Variants in PTPRG observed in about 807,000 individuals in gnomAD.
PTPRG encodes the protein receptor-type tyrosine-protein phosphatase gamma.
In PTPRG, 102 loss-of-function variants were observed where a neutral mutation model predicts 165.3. That is an observed-to-expected ratio of 0.62 (90% CI 0.53 to 0.73). PTPRG has a LOEUF of 0.73. Among genes scored for constraint, PTPRG ranks in the 30% least tolerant of loss-of-function variants. The probability of loss-of-function intolerance (pLI) is 0.00; values close to 1 mark genes in which losing one functional copy is unlikely to be tolerated. For missense variants in PTPRG, 1,866 were observed against 1,861.4 expected (o/e 1.00, Z -0.05); for synonymous variants, 675 against 669.5 (o/e 1.01, Z -0.13).
intron 5 of PTPRG, among the ~76,000 whole-genome samples, chr3:62,127,580 C>CCTT (rs1440724498): frequency 6.6e-6 from 1 of 152,162 alleles, no homozygotes; most frequent in African/African-American, 2.4e-5. Flanking sequence ...ATGCATAAAT[C>CCTT]CTTTTTTCCC....
chr3:62,121,974 C>G (rs1230095706), intron 5 of PTPRG, among the ~76,000 whole-genome samples: 3 of 152,198 alleles, frequency 2.0e-5, no homozygotes, highest in African/African-American at 7.2e-5. Flanking sequence ...CTGTTGAACT[C>G]AGGTGCATGT....
chr3:62,118,936 A>G (rs1025777905), intron 5 of PTPRG, among the ~76,000 whole-genome samples: 1 of 152,092 alleles, frequency 6.6e-6, no homozygotes, highest in Non-Finnish European at 1.5e-5. Flanking sequence ...ATCCTCCTTA[A>G]CGTCTTTTCC....
At chr3:62,018,455 A>G (rs1036517392) in intron 4 of PTPRG, among the ~76,000 whole-genome samples, 1 of 152,172 alleles carries the variant, frequency 6.6e-6, no homozygotes, top group African/African-American at 2.4e-5. Flanking sequence ...CTGGAGTCAA[A>G]TAATAGATGA....
At chr3:62,244,797 C>G (rs1473304327) in intron 15 of PTPRG, among the ~76,000 whole-genome samples, 1 of 152,104 alleles carries the variant, frequency 6.6e-6, no homozygotes, top group African/African-American at 2.4e-5. Context: ...ATCCTCAGTG[C>G]TAAAATAATT....
chr3:61,629,768 A>G (rs571804875), intron 1 of PTPRG, among the ~76,000 whole-genome samples: 2 of 152,322 alleles, frequency 1.3e-5, no homozygotes, highest in Non-Finnish European at 2.9e-5. Flanking sequence ...TAGAAAGCCT[A>G]TGGCATTTTT....
chr3:61,977,961 A>T (rs536967212), intron 2 of PTPRG, among the ~76,000 whole-genome samples: 1 of 152,268 alleles, frequency 6.6e-6, no homozygotes, highest in East Asian at 1.9e-4. Flanking sequence ...TGAATTCCAG[A>T]CTATTTCAGG....
intron 2 of PTPRG, among the ~76,000 whole-genome samples, chr3:61,765,452 G>T (rs185080027): frequency 6.6e-6 from 1 of 152,074 alleles, no homozygotes; most frequent in African/African-American, 2.4e-5. Flanking sequence ...CTAAGAGGCC[G>T]TTAGGAAATA....
At chr3:62,292,374 G>C in intron 28 of PTPRG, 47 bp from the exon 29 acceptor site, 1 of 1,565,522 alleles carries the variant, frequency 6.4e-7, no homozygotes. Flanking sequence ...CAATATATTT[G>C]GTCCCTTTGT....
intron 10 of PTPRG, among the ~76,000 whole-genome samples, chr3:62,196,776 G>A (rs1208193327): frequency 6.6e-6 from 1 of 152,158 alleles, no homozygotes; most frequent in Non-Finnish European, 1.5e-5. Context: ...AACCAGGCCA[G>A]TGGTGAACGC....
intron 2 of PTPRG, among the ~76,000 whole-genome samples, chr3:61,875,097 A>G (rs1243178361): frequency 6.6e-6 from 1 of 152,216 alleles, no homozygotes; most frequent in Non-Finnish European, 1.5e-5. Context: ...TTCAGAGTGG[A>G]TAAAGATCTC....
chr3:62,251,845 T>C (rs1701425863), intron 15 of PTPRG, among the ~76,000 whole-genome samples: 1 of 152,142 alleles, frequency 6.6e-6, no homozygotes, highest in Non-Finnish European at 1.5e-5. Context: ...ACTGAGTCTT[T>C]TTGGACAAGT....
At chr3:61,612,636 TCC>T (rs1396624122) in intron 1 of PTPRG, among the ~76,000 whole-genome samples, 1 of 152,162 alleles carries the variant, frequency 6.6e-6, no homozygotes, top group Non-Finnish European at 1.5e-5. Context: ...TCTGTTTTTT[TCC>T]CCCGTCTTCT....
At position 62,203,762 on chromosome 3, in the gene PTPRG, C is replaced by T. The variant is rs375592915; in HGVS notation, c.1967C>T (p.Thr656Met). Residue 656 changes from threonine to methionine, a missense_variant, in exon 12 of 30, where the codon ACG becomes ATG. Coordinates refer to ENST00000474889, the MANE Select transcript of PTPRG (RefSeq NM_002841.4). This position sits in a 1 kb window ranked among gnomAD's most constrained non-coding sequence, Gnocchi z 6.4. ...QDHTAVPTDQTGGRRDAGPGL... is the reference protein window; with the variant it reads ...QDHTAVPTDQMGGRRDAGPGL... Reference sequence around the variant, plus strand: ...CACACTGCCGTCCCCACAGACCAGACGGGCGGAAGGAGGGATGCCGGCCCA... The same window carrying T: ...CACACTGCCGTCCCCACAGACCAGATGGGCGGAAGGAGGGATGCCGGCCCA... 26 of 1,609,224 alleles carry T rather than the reference C, an allele frequency of 1.6e-5. No individual in the cohort carries two copies. The highest frequency in any genetic ancestry group is 8.9e-5 in the East Asian group (4 of 44,772).
At chr3:61,690,761 G>A (rs2030145470) in intron 1 of PTPRG, among the ~76,000 whole-genome samples, 1 of 152,076 alleles carries the variant, frequency 6.6e-6, no homozygotes, top group South Asian at 2.1e-4. Flanking sequence ...TATTTAGCCA[G>A]AAACAAAGCT....
At chr3:61,702,459 A>G (rs2031020627) in intron 1 of PTPRG, among the ~76,000 whole-genome samples, 1 of 152,228 alleles carries the variant, frequency 6.6e-6, no homozygotes, top group Non-Finnish European at 1.5e-5. Flanking sequence ...GGAGAGTTAC[A>G]TTTTTACAAA....
chr3:61,919,192 G>T (rs2039017191), intron 2 of PTPRG, among the ~76,000 whole-genome samples: 1 of 152,144 alleles, frequency 6.6e-6, no homozygotes, highest in African/African-American at 2.4e-5. Flanking sequence ...TTTTTACATG[G>T]AGTCTAGCCA....
At chr3:61,583,692 G>A (rs938455518) in intron 1 of PTPRG, among the ~76,000 whole-genome samples, 7 of 151,974 alleles carry the variant, frequency 4.6e-5, no homozygotes, top group Admixed American at 2.6e-4. Context: ...GGCTGGGCTC[G>A]ATACACCTTT....
At chr3:61,592,675 G>T (rs1380767481) in intron 1 of PTPRG, among the ~76,000 whole-genome samples, 4 of 145,628 alleles carry the variant, frequency 2.7e-5, no homozygotes, top group East Asian at 4.0e-4. Context: ...AAGAAAGGGG[G>T]TGATCTGTCT....
At chr3:62,014,540 C>G (rs1218821516) in intron 4 of PTPRG, among the ~76,000 whole-genome samples, 1 of 152,108 alleles carries the variant, frequency 6.6e-6, no homozygotes, top group African/African-American at 2.4e-5. Context: ...TCCTGAATCT[C>G]CCTATTAAAA....
Sources: allele counts gnomAD v4.1 joint callset (sites outside exome capture counted in the v4.1 genomes callset), GRCh38; gene constraint gnomAD v4.1.1; non-coding constraint Gnocchi (gnomAD v3.1); transcripts MANE v1.5; gene names NCBI Gene and HGNC (gene_info 2026-07-23, HGNC 2026-07-21).